The following TSNARE1 variants were observed in gnomAD, a reference collection of about 807,000 sequenced individuals.
TSNARE1 encodes t-SNARE domain containing 1, also known as t-SNARE domain-containing protein 1.
A neutral mutation model predicts 62.0 loss-of-function variants in TSNARE1; 49 were observed. The ratio of observed to expected loss-of-function variants is 0.79; its 90% CI spans 0.63 to 1.00. The LOEUF is 1.00. Ranked by LOEUF, TSNARE1 falls within the 50% of genes least tolerant of loss-of-function variation. The pLI, the probability that TSNARE1 is intolerant of heterozygous loss-of-function variation, is 0.00. For missense variants in TSNARE1, 755 were observed against 700.1 expected (o/e 1.08, Z -0.88); for synonymous variants, 328 against 294.4 (o/e 1.11, Z -1.17).
intron 12 of TSNARE1, among the ~76,000 whole-genome samples, chr8:142,241,528 C>T (rs1048350524): frequency 6.6e-6 from 1 of 152,086 alleles, no homozygotes; most frequent in East Asian, 1.9e-4. Context: ...TATGGAACCA[C>T]AAAAGACCTC....
rs747216748 is a variant in TSNARE1 at position 142,284,399 on chromosome 8, G to A, written c.1363+14C>T. 6.2e-7 allele frequency: 1 copy of A among 1,610,490 alleles called. No individual in the cohort carries two copies. The highest frequency in any genetic ancestry group is 1.3e-5 in the African/African-American group (1 of 75,022). On this transcript the variant is annotated intron_variant, in intron 11 of 13. Coordinates refer to ENST00000524325, the MANE Select transcript of TSNARE1 (RefSeq NM_145003.5). The stretch of plus-strand genomic sequence containing the variant: ...CGGGGCAGCAGGTGGCCCGAGGCTG[G>A]GGCGGGTACCCACCAACAGCTTCTC...
intron 13 of TSNARE1, 111 bp downstream of exon 13, chr8:142,229,362 G>A (rs1816990711): frequency 5.8e-6 from 5 of 862,298 alleles, no homozygotes; most frequent in Non-Finnish European, 9.6e-6. Context: ...ATAAATGGGT[G>A]GATGGATAGA....
At chr8:142,303,059 G>A (rs1450330162) in intron 9 of TSNARE1, among the ~76,000 whole-genome samples, 2 of 152,182 alleles carry the variant, frequency 1.3e-5, no homozygotes, top group Non-Finnish European at 2.9e-5. Context: ...GACATGGGCT[G>A]CAGGGCAGCC....
intron 1 of TSNARE1, chr8:142,365,769 G>C: frequency 3.8e-6 from 1 of 263,012 alleles, no homozygotes; most frequent in Non-Finnish European, 7.7e-6. Context: ...ATGTCCAAAA[G>C]TCCTAAATTA....
intron 6 of TSNARE1, among the ~76,000 whole-genome samples, chr8:142,321,766 G>C (rs1222881736): frequency 6.6e-6 from 1 of 152,140 alleles, no homozygotes; most frequent in African/African-American, 2.4e-5. Context: ...AAAAGAAATA[G>C]AAAACCTAAA....
At chr8:142,359,528 T>C (rs1345785774) in intron 1 of TSNARE1, among the ~76,000 whole-genome samples, 3 of 152,172 alleles carry the variant, frequency 2.0e-5, no homozygotes, top group Non-Finnish European at 4.4e-5. Context: ...CCAGTGTCCT[T>C]AGACACGGCA....
intron 4 of TSNARE1, 33 bp downstream of exon 4, chr8:142,343,933 A>G: frequency 6.7e-7 from 1 of 1,494,696 alleles, no homozygotes; most frequent in Non-Finnish European, 8.9e-7. Context: ...ACAGAGTGGC[A>G]CCCTAGCAAG....
In TSNARE1 at chr8:142,283,957, G is replaced by A. The variant is rs916933975; in HGVS notation, c.1363+456C>T. On this transcript the variant is annotated intron_variant, in intron 11 of 13. Coordinates refer to ENST00000524325, the MANE Select transcript of TSNARE1 (RefSeq NM_145003.5). Reference sequence around the variant, plus strand: ...CCAGGTTCTGTCAATGAGCAGGGTGGGGGCCAGTGTCTGTCAAAGAGCAGA... The same window carrying A: ...CCAGGTTCTGTCAATGAGCAGGGTGAGGGCCAGTGTCTGTCAAAGAGCAGA... Among the ~76,000 whole-genome samples, 5 of 142,872 alleles carry A rather than the reference G, an allele frequency of 3.5e-5. 1 individual carries two copies. Among genetic ancestry groups the A allele is most frequent in the African/African-American group, 1.2e-4 (5 of 40,596 alleles). The allele number at this position is 142,872 out of a possible 152,430, so 93.7% of individuals were successfully genotyped here.
At chr8:142,295,235 G>T (rs144825078) in intron 10 of TSNARE1, among the ~76,000 whole-genome samples, 1 of 152,222 alleles carries the variant, frequency 6.6e-6, no homozygotes, top group African/African-American at 2.4e-5. Context: ...GGGAGATGGT[G>T]GGCAGCCCCA....
intron 12 of TSNARE1, among the ~76,000 whole-genome samples, chr8:142,240,394 T>C (rs1422702243): frequency 6.6e-6 from 1 of 152,036 alleles, no homozygotes; most frequent in Non-Finnish European, 1.5e-5. Flanking sequence ...AATCCACCAG[T>C]GGGGTAGGAG....
chr8:142,239,128 C>T (rs1817571030), intron 12 of TSNARE1, among the ~76,000 whole-genome samples: 1 of 152,172 alleles, frequency 6.6e-6, no homozygotes, highest in Non-Finnish European at 1.5e-5. Context: ...GGGTGAAGGC[C>T]TACAGGAGAG....
In TSNARE1 at chr8:142,332,717, C is replaced by T. The variant is rs62513774; in HGVS notation, c.746-886G>A. ...AGGCTGCACACACTCGCCCTCTGTC[C>T]ACCCCTCAGTCAGCATCTTGGGCAT... On this transcript the variant is annotated intron_variant, in intron 4 of 13. Transcript: ENST00000524325. 4.1e-3 allele frequency among the ~76,000 whole-genome samples: 628 copies of T among 152,280 alleles called. 2 individuals carry two copies. Among genetic ancestry groups the T allele is most frequent in the Non-Finnish European group, 6.7e-3 (458 of 68,010 alleles).
intron 1 of TSNARE1, among the ~76,000 whole-genome samples, chr8:142,393,547 T>G (rs1475061297): frequency 6.6e-6 from 1 of 152,214 alleles, no homozygotes; most frequent in East Asian, 1.9e-4. Flanking sequence ...GAATTTACAA[T>G]GGTCACAATA....
In TSNARE1 at chr8:142,311,301, T is replaced by G. The variant is rs546137053; in HGVS notation, c.1131+3083A>C. Among the ~76,000 whole-genome samples, 9 of 139,268 alleles carry G rather than the reference T, an allele frequency of 6.5e-5. No individual in the cohort carries two copies. The South Asian group carries it at 9.6e-4, about 15-fold the overall frequency. The allele number at this position is 139,268 out of a possible 152,430, so 91.4% of individuals were successfully genotyped here. On this transcript the variant is annotated intron_variant, in intron 9 of 13. Coordinates refer to ENST00000524325, the MANE Select transcript of TSNARE1 (RefSeq NM_145003.5). ...CCTCAGCCTCTCTAGTTTTTTTTTT[T>G]TTTTTTTTTTTTTGAGATGGAGTTT...
chr8:142,229,370 AGATGGATG>A, intron 13 of TSNARE1, 95 bp downstream of exon 13: 1 of 917,716 alleles, frequency 1.1e-6, no homozygotes. Flanking sequence ...GTGGATGGAT[AGATGGATG>A]GATGGTGGAT....
At chr8:142,338,827 G>A (rs1832137171) in intron 4 of TSNARE1, among the ~76,000 whole-genome samples, 3 of 152,220 alleles carry the variant, frequency 2.0e-5, no homozygotes, top group South Asian at 4.1e-4. Flanking sequence ...GACAGGGCAT[G>A]GTGTGTGCCC....
At chr8:142,312,823 A>G (rs1827810514) in intron 9 of TSNARE1, among the ~76,000 whole-genome samples, 2 of 152,206 alleles carry the variant, frequency 1.3e-5, no homozygotes, top group South Asian at 4.1e-4. Context: ...CTAAAGCTAT[A>G]AGCCACCACT....
intron 12 of TSNARE1, among the ~76,000 whole-genome samples, chr8:142,256,281 TACCATC>T (rs1818548136): frequency 8.6e-5 from 2 of 23,304 alleles, no homozygotes; most frequent in African/African-American, 1.8e-4. Flanking sequence ...CCACCACCAT[TACCATC>T]ATCACCACAC....
At chr8:142,295,939 G>C (rs1824602283) in intron 10 of TSNARE1, among the ~76,000 whole-genome samples, 1 of 147,290 alleles carries the variant, frequency 6.8e-6, no homozygotes, top group Non-Finnish European at 1.5e-5. Flanking sequence ...GAGGGCTCAG[G>C]ACAGGCCTAG....
Sources: gnomAD v4.1 joint callset for allele counts (sites outside exome capture counted in the v4.1 genomes callset) on GRCh38, gnomAD v4.1.1 for gene constraint, MANE v1.5 for transcripts, NCBI Gene and HGNC (gene_info 2026-07-23, HGNC 2026-07-21) for gene names.